STT3B: variants seen among roughly 807,000 people sequenced by gnomAD.
STT3B encodes the protein STT3 oligosaccharyltransferase complex catalytic subunit B, also known as dolichyl-diphosphooligosaccharide--protein glycosyltransferase subunit STT3B.
A neutral mutation model predicts 96.8 loss-of-function variants in STT3B; 29 were observed. That is an observed-to-expected ratio of 0.30 (90% CI 0.22 to 0.41). The LOEUF is 0.41. Among genes scored for constraint, STT3B ranks in the 10% least tolerant of loss-of-function variants. STT3B has a pLI of 1.00. For missense variants in STT3B, 640 were observed against 1,022.3 expected (o/e 0.63, Z 5.10); for synonymous variants, 367 against 360.0 (o/e 1.02, Z -0.22).
intron 3 of STT3B, 64 bp downstream of exon 3, chr3:31,580,160 G>A (rs765233978): frequency 6.4e-5 from 96 of 1,503,868 alleles, no homozygotes; most frequent in Non-Finnish European, 8.5e-5. Context: ...AACACTTTAG[G>A]CTGTACGCAG....
chr3:31,542,500 A>T (rs1354972473), intron 1 of STT3B, among the ~76,000 whole-genome samples: 1 of 152,164 alleles, frequency 6.6e-6, no homozygotes, highest in Non-Finnish European at 1.5e-5. Flanking sequence ...TAAATCTAGG[A>T]CTGTCTTTCT....
At position 31,632,816 on chromosome 3, in the gene STT3B, C is replaced by A. The variant is rs898922442; in HGVS notation, c.2188-119C>A. The A allele has an allele frequency of 4.9e-5, 42 of 863,970 alleles. No individual in the cohort carries two copies. In the Admixed American group the frequency reaches 1.0e-3, roughly 21 times the overall value. 53.5% of individuals were successfully genotyped at this position (863,970 alleles called of 1,614,324 possible). ...GAGAACTATTAAGGTAGATAGATTA[C>A]TTGATTGTTTTCCTAGTTTAAAGGG... On this transcript the variant is annotated intron_variant, in intron 14 of 15. Coordinates refer to ENST00000295770, the MANE Select transcript of STT3B (RefSeq NM_178862.3).
At chr3:31,616,199 G>A (rs1699303277) in intron 6 of STT3B, among the ~76,000 whole-genome samples, 1 of 151,868 alleles carries the variant, frequency 6.6e-6, no homozygotes, top group Admixed American at 6.6e-5. Context: ...AACAGACTGG[G>A]AAGAACTTAA....
At chr3:31,619,891 T>A in intron 9 of STT3B, 61 bp downstream of exon 9, 1 of 1,551,722 alleles carries the variant, frequency 6.4e-7, no homozygotes, top group Non-Finnish European at 8.7e-7. Flanking sequence ...TTTGAGATTA[T>A]TTACTTTAAA....
At chr3:31,567,062 G>C (rs1457528581) in intron 1 of STT3B, among the ~76,000 whole-genome samples, 1 of 152,168 alleles carries the variant, frequency 6.6e-6, no homozygotes, top group Non-Finnish European at 1.5e-5. Flanking sequence ...CTGTCAAACT[G>C]TCATTATGCT....
intron 3 of STT3B, among the ~76,000 whole-genome samples, chr3:31,584,666 T>G (rs1398997226): frequency 6.6e-6 from 1 of 152,050 alleles, no homozygotes; most frequent in East Asian, 1.9e-4. Flanking sequence ...AACTGGGAGG[T>G]TATCTAGTGA....
At chr3:31,565,078 C>CT (rs1697970802) in intron 1 of STT3B, among the ~76,000 whole-genome samples, 1 of 152,162 alleles carries the variant, frequency 6.6e-6, no homozygotes, top group Non-Finnish European at 1.5e-5. Context: ...TTCTCTCATT[C>CT]TTTCTTTTTC....
intron 3 of STT3B, among the ~76,000 whole-genome samples, chr3:31,595,705 A>G (rs924905595): frequency 6.6e-6 from 1 of 152,124 alleles, no homozygotes; most frequent in Non-Finnish European, 1.5e-5. Context: ...TTTTCAGTTT[A>G]CTTCCTCCTC....
chr3:31,634,637 T>A (rs776150495), intron 15 of STT3B, among the ~76,000 whole-genome samples: 9 of 152,260 alleles, frequency 5.9e-5, no homozygotes, highest in Middle Eastern at 6.8e-3. Context: ...TCTGAGAGTT[T>A]ACCAGCCATC....
At chr3:31,593,080 G>A (rs1165814974) in intron 3 of STT3B, among the ~76,000 whole-genome samples, 1 of 152,136 alleles carries the variant, frequency 6.6e-6, no homozygotes, top group South Asian at 2.1e-4. Context: ...GTCTAGGTGG[G>A]GAGCTGATTT....
chr3:31,633,331 G>C, intron 15 of STT3B, 184 bp downstream of exon 15: 1 of 612,912 alleles, frequency 1.6e-6, no homozygotes, highest in Non-Finnish European at 2.7e-6. Context: ...GAGCACTTCA[G>C]ATATCCCAAG....
intron 1 of STT3B, among the ~76,000 whole-genome samples, chr3:31,552,163 AGTTT>A (rs1310320798): frequency 6.6e-6 from 1 of 152,254 alleles, no homozygotes; most frequent in Non-Finnish European, 1.5e-5. Context: ...TAAGCCACTG[AGTTT>A]GTTTAAAATT....
Position 31,617,074 on chromosome 3 carries a change from A to C in STT3B, c.1122A>C (p.Thr374=). ...VFLSVIYLTY[T]GYIAPWSGRF... ...TTAGTGTCATCTATTTGACTTATAC[A>C]GGTACGTGTTATCACCTGTAGGGTG... Residue 374 remains threonine (T), a splice_region_variant and synonymous_variant, in exon 7 of 16, where the codon ACA becomes ACC. Coordinates refer to ENST00000295770, the MANE Select transcript of STT3B (RefSeq NM_178862.3). The C allele has an allele frequency of 6.2e-7, 1 of 1,600,244 alleles. No individual in the cohort carries two copies. The highest frequency in any genetic ancestry group is 8.5e-7 in the Non-Finnish European group (1 of 1,170,496).
chr3:31,545,776 A>G (rs994552726), intron 1 of STT3B, among the ~76,000 whole-genome samples: 6 of 151,636 alleles, frequency 4.0e-5, no homozygotes, highest in African/African-American at 1.5e-4. Context: ...AATGTGGCTC[A>G]ACACAAATTT....
chr3:31,627,431 G>T (rs1407453059), intron 13 of STT3B, among the ~76,000 whole-genome samples: 1 of 152,192 alleles, frequency 6.6e-6, no homozygotes, highest in Non-Finnish European at 1.5e-5. Context: ...GGTCTCTGGT[G>T]CCAAAAAGGT....
chr3:31,595,912 T>C (rs1004008215), intron 3 of STT3B, among the ~76,000 whole-genome samples: 3 of 152,206 alleles, frequency 2.0e-5, no homozygotes, highest in African/African-American at 7.2e-5. Flanking sequence ...CAGAACTGCT[T>C]TCCTGCCTTT....
At chr3:31,609,563 C>T (rs533690679) in intron 5 of STT3B, among the ~76,000 whole-genome samples, 4 of 152,230 alleles carry the variant, frequency 2.6e-5, no homozygotes, top group African/African-American at 9.6e-5. Context: ...GTACCAGATA[C>T]ACTTGCTGAG....
At chr3:31,593,971 A>G (rs1159668421) in intron 3 of STT3B, among the ~76,000 whole-genome samples, 2 of 152,052 alleles carry the variant, frequency 1.3e-5, no homozygotes, top group African/African-American at 4.8e-5. Context: ...GTTTCTTTGC[A>G]TGTCTTATAG....
intron 9 of STT3B, 30 bp from the exon 10 acceptor site, chr3:31,622,067 A>C (rs375438745): frequency 1.9e-5 from 31 of 1,590,016 alleles, no homozygotes; most frequent in Non-Finnish European, 2.6e-5. Context: ...TTTTCCCTCC[A>C]ACATATTGTA....
Sources: gnomAD v4.1 joint callset for allele counts (sites outside exome capture counted in the v4.1 genomes callset) on GRCh38, gnomAD v4.1.1 for gene constraint, MANE v1.5 for transcripts, NCBI Gene and HGNC (gene_info 2026-07-23, HGNC 2026-07-21) for gene names.